The following GNAO1 variants were observed in gnomAD, a reference collection of about 807,000 sequenced individuals.
GNAO1 encodes G protein subunit alpha o1.
For synonymous variants in GNAO1, 164 were observed against 180.7 expected, an observed-to-expected ratio of 0.91 and a Z score of 0.74; for missense variants, 166 against 478.7, an observed-to-expected ratio of 0.35 and a Z score of 6.10.
rs3790101 is a variant in GNAO1 at position 56,311,484 on chromosome 16, G to C, written c.304-17147G>C. ...CCCAGTGTCTGTCAGGGAAGATGAG[G>C]ATGGCAGGGGCTAAGTAGAGGCCAT... On this transcript the variant is annotated intron_variant, in intron 3 of 8. Coordinates refer to ENST00000262493, the MANE Select transcript of GNAO1 (RefSeq NM_020988.3). The surrounding 1 kb of genome is among the most constrained non-coding windows in gnomAD (Gnocchi z 5.2). 4.2e-3 allele frequency among the ~76,000 whole-genome samples: 644 copies of C among 152,266 alleles called. 10 individuals are homozygous for C. Among genetic ancestry groups the C allele is most frequent in the Admixed American group, 0.033 (500 of 15,298 alleles).
intron 2 of GNAO1, among the ~76,000 whole-genome samples, chr16:56,229,609 GTGGATGGATGGA>G (rs149366140): frequency 1.6e-4 from 24 of 151,048 alleles, no homozygotes; most frequent in East Asian, 3.9e-4. Context: ...GGATGGGTGG[GTGGATGGATGGA>G]TGGATGGATG....
chr16:56,244,714 G>T (rs577909220), intron 2 of GNAO1, among the ~76,000 whole-genome samples: 1 of 152,196 alleles, frequency 6.6e-6, no homozygotes, highest in East Asian at 1.9e-4. Context: ...CCACACCCAG[G>T]GTTCCCTGTG....
intron 2 of GNAO1, among the ~76,000 whole-genome samples, chr16:56,225,264 TG>T (rs2036524117): frequency 6.6e-6 from 1 of 152,198 alleles, no homozygotes; most frequent in African/African-American, 2.4e-5. Context: ...AAATGCCAAG[TG>T]TCATGATGTC....
chr16:56,294,152 G>A (rs1165208513), intron 3 of GNAO1, among the ~76,000 whole-genome samples: 1 of 152,136 alleles, frequency 6.6e-6, no homozygotes, highest in Non-Finnish European at 1.5e-5. Flanking sequence ...GGCTCTGCGA[G>A]GGGAGTTTAC....
intron 2 of GNAO1, among the ~76,000 whole-genome samples, chr16:56,252,790 G>C (rs1212782371): frequency 6.6e-6 from 1 of 152,190 alleles, no homozygotes; most frequent in East Asian, 1.9e-4. Flanking sequence ...CCATCCAGCT[G>C]TTCCTTCTTG....
At chr16:56,205,812 A>G (rs2036322211) in intron 2 of GNAO1, among the ~76,000 whole-genome samples, 1 of 152,186 alleles carries the variant, frequency 6.6e-6, no homozygotes, top group Non-Finnish European at 1.5e-5. Context: ...AATTGAAGGC[A>G]AAGGTCATTT....
intron 6 of GNAO1, chr16:56,343,636 T>A: frequency 3.0e-6 from 2 of 672,968 alleles, no homozygotes; most frequent in Non-Finnish European, 5.0e-6. Context: ...CTCCATCAGG[T>A]TTTCCCTGTG....
In GNAO1 at chr16:56,238,559, G is replaced by A. The variant is rs538456660; in HGVS notation, c.162-37372G>A. ...CCATCCCACTGCTGCAAGAACATTT[G>A]TTGGAAAGATACTTCTTTTGGAAAA... On this transcript the variant is annotated intron_variant, in intron 2 of 8. Transcript: ENST00000262493. 3.9e-5 allele frequency among the ~76,000 whole-genome samples: 6 copies of A among 152,300 alleles called. No homozygotes were observed. The East Asian group carries it at 1.2e-3, about 29-fold the overall frequency.
intron 2 of GNAO1, among the ~76,000 whole-genome samples, chr16:56,213,641 A>C (rs2036411112): frequency 6.6e-6 from 1 of 152,110 alleles, no homozygotes. Flanking sequence ...TTGATATTAC[A>C]GTTTTTTAAG....
At chr16:56,227,797 ATTG>A (rs2036546363) in intron 2 of GNAO1, among the ~76,000 whole-genome samples, 1 of 148,892 alleles carries the variant, frequency 6.7e-6, no homozygotes, top group Middle Eastern at 3.5e-3. Context: ...CCCTGGTATT[ATTG>A]TTGTTATTTT....
chr16:56,316,051 C>A (rs1195873250), intron 3 of GNAO1, among the ~76,000 whole-genome samples: 1 of 151,744 alleles, frequency 6.6e-6, no homozygotes, highest in Non-Finnish European at 1.5e-5. Context: ...CAAAGTGAGA[C>A]TCTGACTCAA....
intron 2 of GNAO1, among the ~76,000 whole-genome samples, chr16:56,257,066 T>C (rs2036857871): frequency 6.6e-6 from 1 of 152,186 alleles, no homozygotes; most frequent in Admixed American, 6.5e-5. Context: ...GACACATCTC[T>C]AGCACTCATT....
chr16:56,203,538 G>A lies in GNAO1; in HGVS notation c.161+10922G>A, dbSNP rs914440940. ...CGTGCTTATCATGGGAGAGACTGAGGCTTTGGGAGACTGGAGGACAAAAGA... is the reference window on the plus strand; with the variant it reads ...CGTGCTTATCATGGGAGAGACTGAGACTTTGGGAGACTGGAGGACAAAAGA... On this transcript the variant is annotated intron_variant, in intron 2 of 8. Coordinates refer to ENST00000262493, the MANE Select transcript of GNAO1 (RefSeq NM_020988.3). Among the ~76,000 whole-genome samples, 3 of 152,100 alleles carry A rather than the reference G, an allele frequency of 2.0e-5. No individual in the cohort carries two copies. The South Asian group carries it at 6.2e-4, about 32-fold the overall frequency.
chr16:56,217,227 G>A (rs867733068), intron 2 of GNAO1, among the ~76,000 whole-genome samples: 1 of 152,188 alleles, frequency 6.6e-6, no homozygotes, highest in Non-Finnish European at 1.5e-5. Context: ...CTTGCCTTCA[G>A]AGTTTTGCTG....
chr16:56,207,676 A>G (rs1325031486), intron 2 of GNAO1, among the ~76,000 whole-genome samples: 2 of 152,238 alleles, frequency 1.3e-5, no homozygotes, highest in Non-Finnish European at 2.9e-5. Context: ...AGGATATAAT[A>G]GTAAGTCAAA....
rs2037636287 is a variant in GNAO1, at chr16:56,326,773, C to A, written c.304-1858C>A. ...CCATGGGCAGAGGCAGGAGGGCGGC[C>A]CGGGGCAGCACCTGCTCTGCTCTCA... is the stretch of plus-strand genomic sequence containing the variant. On this transcript the variant is annotated intron_variant, in intron 3 of 8. Transcript: ENST00000262493. The surrounding 1 kb of genome is among the most constrained non-coding windows in gnomAD (Gnocchi z 4.8). Among the ~76,000 whole-genome samples the A allele has an allele frequency of 6.6e-6, 1 of 152,222 alleles. No homozygotes were observed. Among genetic ancestry groups the A allele is most frequent in the Non-Finnish European group, 1.5e-5 (1 of 68,040 alleles).
intron 3 of GNAO1, among the ~76,000 whole-genome samples, chr16:56,293,684 A>C (rs1252023218): frequency 6.6e-6 from 1 of 152,194 alleles, no homozygotes; most frequent in Non-Finnish European, 1.5e-5. Context: ...ATCACATAAC[A>C]TATCAAACCC....
intron 2 of GNAO1, among the ~76,000 whole-genome samples, chr16:56,252,344 A>G (rs544519118): frequency 5.5e-4 from 84 of 152,320 alleles, no homozygotes; most frequent in Middle Eastern, 6.8e-3. Context: ...GGACCCTCAG[A>G]CAAGGCTAGG....
At chr16:56,207,181 G>C (rs2036338302) in intron 2 of GNAO1, among the ~76,000 whole-genome samples, 1 of 152,244 alleles carries the variant, frequency 6.6e-6, no homozygotes, top group Non-Finnish European at 1.5e-5. Flanking sequence ...CAGTATAGCA[G>C]TGTGAAAGAA....
Sources: gnomAD v4.1 joint callset for allele counts (sites outside exome capture counted in the v4.1 genomes callset) on GRCh38, gnomAD v4.1.1 for gene constraint, Gnocchi (gnomAD v3.1) non-coding constraint, MANE v1.5 for transcripts, NCBI Gene and HGNC (gene_info 2026-07-23, HGNC 2026-07-21) for gene names.